Variants in CNGB1 observed in about 807,000 individuals in gnomAD.
CNGB1 encodes cyclic nucleotide gated channel subunit beta 1.
Under a neutral mutation model 151.7 loss-of-function variants are expected in CNGB1, and 126 were observed. That is an observed-to-expected ratio of 0.83 (90% CI 0.72 to 0.96). The LOEUF is 0.96. CNGB1 is among the 40% of genes least tolerant of loss of function. The probability of loss-of-function intolerance (pLI) is 0.00; values close to 1 mark genes in which losing one functional copy is unlikely to be tolerated. For synonymous variants in CNGB1, 623 were observed against 635.1 expected (o/e 0.98, Z 0.29); for missense variants, 1,698 against 1,627.0 (o/e 1.04, Z -0.75).
Position 57,887,988 on chromosome 16 carries a change from T to C in CNGB1, c.3329A>G (p.Asn1110Ser). ...CTTTCCTGTCATAGCGAGGGCAGCG[T>C]TGAAGAGCTTTGGGGTGCCCGCCCG... is the stretch of plus-strand genomic sequence containing the variant. ...PPRAGTPKLF[N>S]AALAMTGKMG... is the part of the protein sequence containing the mutation. Residue 1110 changes from asparagine (N) to serine (S), a missense_variant, in exon 32 of 33, where the codon AAC (asparagine) becomes AGC (serine). Coordinates refer to ENST00000251102, the MANE Select transcript of CNGB1 (RefSeq NM_001297.5). The C allele has an allele frequency of 6.2e-7, 1 of 1,614,208 alleles. No individual in the cohort carries two copies. The highest frequency in any genetic ancestry group is 8.5e-7 in the Non-Finnish European group (1 of 1,180,046).
At chr16:57,949,210 A>G (rs1001378973) in intron 14 of CNGB1, 143 bp downstream of exon 14, 3 of 1,470,398 alleles carry the variant, frequency 2.0e-6, no homozygotes, top group Non-Finnish European at 2.8e-6. Flanking sequence ...AGCTTCTCGC[A>G]GCCTCTTTGG....
chr16:57,924,249 G>A (rs1961124873), intron 17 of CNGB1, among the ~76,000 whole-genome samples: 1 of 152,108 alleles, frequency 6.6e-6, no homozygotes, highest in Non-Finnish European at 1.5e-5. Flanking sequence ...TTGGTTTACT[G>A]AGAAACGCAA....
rs1470572462 is a variant in CNGB1 at position 57,949,376 on chromosome 16, C to T, written c.1098G>A (p.Glu366=). 1 of 1,612,714 alleles carries T rather than the reference C, an allele frequency of 6.2e-7. No homozygotes were observed. Among genetic ancestry groups the T allele is most frequent in the South Asian group, 1.1e-5 (1 of 91,074 alleles). The change falls in exon 14 of 33, where the codon GAG becomes GAA. Residue 366 remains glutamate, a synonymous_variant. Coordinates refer to ENST00000251102, the MANE Select transcript of CNGB1 (RefSeq NM_001297.5). Reference sequence around the variant, plus strand: ...ACTCAGTCACCTCCTCCTCTTCCTCCTCCTCCTCCTCTTCCTCTTCCTCCT... The same window carrying T: ...ACTCAGTCACCTCCTCCTCTTCCTCTTCCTCCTCCTCTTCCTCTTCCTCCT... ...DEEEEEEEEE[E]EEEEEVTEVL...
chr16:57,950,362 G>T lies in CNGB1; in HGVS notation c.1034+19C>A. 1 of 1,613,956 alleles carries T rather than the reference G, an allele frequency of 6.2e-7. No individual in the cohort carries two copies. The highest frequency in any genetic ancestry group is 8.5e-7 in the Non-Finnish European group (1 of 1,179,846). On this transcript the variant is annotated intron_variant, in intron 13 of 32. Coordinates refer to ENST00000251102, the MANE Select transcript of CNGB1 (RefSeq NM_001297.5). ...CTCAAACAATAACTAATCTTTTAGG[G>T]TCTTCTCAGACTCCCCACCTGGGCA... is the stretch of plus-strand genomic sequence containing the variant.
In CNGB1 at chr16:57,959,885, C is replaced by T; in HGVS notation, c.761+3G>A. The T allele has an allele frequency of 4.6e-6, 7 of 1,524,132 alleles. No individual in the cohort carries two copies. The highest frequency in any genetic ancestry group is 1.4e-5 in the African/African-American group (1 of 72,788). 94.4% of individuals were successfully genotyped at this position (1,524,132 alleles called of 1,614,324 possible). ...GGGAGGCGCTGCATTGAGGGTGGCT[C>T]ACCTGGCAGGGTCCCTGGTTGGTGG... is the stretch of plus-strand genomic sequence containing the variant. On this transcript the variant is annotated splice_donor_region_variant and intron_variant, in intron 10 of 32. Coordinates refer to ENST00000251102, the MANE Select transcript of CNGB1 (RefSeq NM_001297.5).
At chr16:57,902,101 C>T (rs1314082920) in intron 27 of CNGB1, among the ~76,000 whole-genome samples, 1 of 152,008 alleles carries the variant, frequency 6.6e-6, no homozygotes, top group African/African-American at 2.4e-5. Flanking sequence ...TAGACAGTCT[C>T]GCTCTGTCAC....
Position 57,960,445 on chromosome 16 carries a change from T to C in CNGB1, c.583+37A>G, listed in dbSNP as rs761775337. The stretch of plus-strand genomic sequence containing the variant: ...GATCCCTGAGCCCAGCCCGTGACCA[T>C]CCCAGGCAGCCCCCTCCCGAGCTCC... On this transcript the variant is annotated intron_variant, in intron 9 of 32. Coordinates refer to ENST00000251102, the MANE Select transcript of CNGB1 (RefSeq NM_001297.5). The C allele has an allele frequency of 2.3e-5, 37 of 1,609,256 alleles. 1 individual carries two copies. The highest frequency in any genetic ancestry group is 7.6e-6 in the Non-Finnish European group (9 of 1,177,534).
At chr16:57,962,663 G>A in intron 6 of CNGB1, 53 bp from the exon 7 acceptor site, 2 of 1,595,264 alleles carry the variant, frequency 1.3e-6, no homozygotes. Context: ...ACCTGCCCCA[G>A]CCCCCTGGGC....
chr16:57,921,452 C>G (rs143071175), intron 18 of CNGB1, among the ~76,000 whole-genome samples: 276 of 152,216 alleles, frequency 1.8e-3, no homozygotes, highest in African/African-American at 6.4e-3. Context: ...AAACTCCCAA[C>G]CTCAGGTGAT....
At chr16:57,941,001 C>T (rs899892356) in intron 14 of CNGB1, among the ~76,000 whole-genome samples, 4 of 152,100 alleles carry the variant, frequency 2.6e-5, no homozygotes, top group Non-Finnish European at 5.9e-5. Flanking sequence ...AGGCAGCAAC[C>T]CCACTCCGCT....
chr16:57,887,601 G>A lies in CNGB1; in HGVS notation c.3462+254C>T, dbSNP rs893311662. ...CAGAGATGACACGATGGGAAAACTC[G>A]TCCTGTTGGCATCTTTCGGGCTTTT... On this transcript the variant is annotated intron_variant, in intron 32 of 32. Coordinates refer to ENST00000251102, the MANE Select transcript of CNGB1 (RefSeq NM_001297.5). 2.4e-4 allele frequency among the ~76,000 whole-genome samples: 37 copies of A among 152,048 alleles called. 1 individual carries two copies. Among genetic ancestry groups the A allele is most frequent in the African/African-American group, 8.0e-4 (33 of 41,400 alleles).
chr16:57,928,680 C>T (rs901252645), intron 17 of CNGB1, among the ~76,000 whole-genome samples: 3 of 152,140 alleles, frequency 2.0e-5, no homozygotes, highest in Admixed American at 6.6e-5. Flanking sequence ...CTCTGTCACC[C>T]AGGCTGGAAT....
chr16:57,885,011 C>T (rs1015696369), intron 32 of CNGB1, among the ~76,000 whole-genome samples: 1 of 152,228 alleles, frequency 6.6e-6, no homozygotes, highest in African/African-American at 2.4e-5. Flanking sequence ...TTGGGCTGCG[C>T]TGACCCCATG....
chr16:57,897,417 C>A lies in CNGB1; in HGVS notation c.3222G>T (p.Lys1074Asn), dbSNP rs545721406. Residue 1074 changes from lysine (K) to asparagine (N), a missense_variant, in exon 31 of 33, where the codon AAG becomes AAT. Lys to Asn is a moderately conservative substitution (Grantham distance 94). Transcript: ENST00000251102. ...CATACCTGGCTTTCTTCCGGAGTAACTTCTGAGACTCAGGATAATGCACCA... is the reference window on the plus strand; with the variant it reads ...CATACCTGGCTTTCTTCCGGAGTAAATTCTGAGACTCAGGATAATGCACCA... ...EILVHYPESQ[K>N]LLRKKARRML... 2 of 1,614,030 alleles carry A rather than the reference C, an allele frequency of 1.2e-6. No homozygotes were observed. The highest frequency in any genetic ancestry group is 2.7e-5 in the African/African-American group (2 of 74,980).
chr16:57,944,951 TAAAA>T (rs367717137), intron 14 of CNGB1, among the ~76,000 whole-genome samples: 1,133 of 104,352 alleles, frequency 0.011, 12 homozygotes, highest in African/African-American at 0.043. Flanking sequence ...ACTCTGTCTT[TAAAA>T]AAAAAAAAAA....
intron 1 of CNGB1, among the ~76,000 whole-genome samples, chr16:57,967,746 A>G (rs1459638729): frequency 6.6e-6 from 1 of 152,106 alleles, no homozygotes; most frequent in Non-Finnish European, 1.5e-5. Context: ...ATATACATAT[A>G]CACATACATA....
chr16:57,910,432 T>C (rs1960677421), intron 25 of CNGB1, among the ~76,000 whole-genome samples: 1 of 152,176 alleles, frequency 6.6e-6, no homozygotes. Flanking sequence ...TGGAGTGTAA[T>C]GGTGCAATTT....
At chr16:57,916,049 C>A in intron 22 of CNGB1, 80 bp downstream of exon 22, 1 of 1,342,208 alleles carries the variant, frequency 7.5e-7, no homozygotes, top group Admixed American at 1.7e-5. Flanking sequence ...ATCTCATGAA[C>A]GCCCCAGGCA....
At chr16:57,954,692 C>T (rs1396936796) in intron 12 of CNGB1, 1 of 985,564 alleles carries the variant, frequency 1.0e-6, no homozygotes, top group Non-Finnish European at 1.2e-6. Flanking sequence ...TGCTCATTTA[C>T]ACTCTTTTAA....
Sources: gnomAD v4.1 joint callset for allele counts (sites outside exome capture counted in the v4.1 genomes callset) on GRCh38, gnomAD v4.1.1 for gene constraint, MANE v1.5 for transcripts, NCBI Gene and HGNC (gene_info 2026-07-23, HGNC 2026-07-21) for gene names.